Variants in TGFBR2 observed in about 807,000 individuals in gnomAD.
TGFBR2 encodes the protein TGF-beta receptor type-2.
Under a neutral mutation model 49.0 loss-of-function variants are expected in TGFBR2, and 18 were observed. The observed-to-expected ratio is 0.37, with a 90% CI of 0.25 to 0.54. The LOEUF (loss-of-function observed/expected upper bound fraction) is 0.54. Among genes scored for constraint, TGFBR2 ranks in the 20% least tolerant of loss-of-function variants. TGFBR2 has a pLI of 0.85. For missense variants in TGFBR2, 525 were observed against 722.6 expected, an observed-to-expected ratio of 0.73 and a Z score of 3.13; for synonymous variants, 282 against 275.9, an observed-to-expected ratio of 1.02 and a Z score of -0.22.
Position 30,693,754 on chromosome 3 carries a change from A to G in TGFBR2, c.*2155A>G, listed in dbSNP as rs920282415. 3.4e-5 allele frequency: 8 copies of G among 233,504 alleles called. No individual in the cohort carries two copies. Among genetic ancestry groups the G allele is most frequent in the East Asian group, 6.0e-5 (1 of 16,698 alleles). The allele number at this position is 233,504 out of a possible 1,614,324, so 14.5% of individuals were successfully genotyped here. On this transcript the variant is annotated 3_prime_UTR_variant, in exon 7 of 7. Coordinates refer to ENST00000295754, the MANE Select transcript of TGFBR2 (RefSeq NM_003242.6). ...ATACTGGTCCATTCATGAGATATTCAAGATTCAAGAGTATTCTCACTTCTG... is the reference window on the plus strand; with the variant it reads ...ATACTGGTCCATTCATGAGATATTCGAGATTCAAGAGTATTCTCACTTCTG...
chr3:30,610,200 C>A (rs1455842411), intron 1 of TGFBR2, among the ~76,000 whole-genome samples: 1 of 152,090 alleles, frequency 6.6e-6, no homozygotes, highest in Non-Finnish European at 1.5e-5. Context: ...TGGTCTTTGC[C>A]ATTGAATTTA....
At chr3:30,616,231 C>T (rs1698130176) in intron 1 of TGFBR2, among the ~76,000 whole-genome samples, 1 of 152,078 alleles carries the variant, frequency 6.6e-6, no homozygotes, top group Non-Finnish European at 1.5e-5. Flanking sequence ...TTAAAAAATG[C>T]CTCTTCCTCC....
At chr3:30,634,547 T>C (rs933393733) in intron 1 of TGFBR2, among the ~76,000 whole-genome samples, 2 of 152,178 alleles carry the variant, frequency 1.3e-5, no homozygotes, top group African/African-American at 4.8e-5. Flanking sequence ...CACATTTTCG[T>C]TTAGGTTGAC....
intron 1 of TGFBR2, among the ~76,000 whole-genome samples, chr3:30,608,089 C>A (rs1378287200): frequency 1.3e-5 from 2 of 151,700 alleles, no homozygotes; most frequent in Admixed American, 1.3e-4. Flanking sequence ...CAGGCGCGTG[C>A]CACCACGCCC....
chr3:30,632,841 A>G lies in TGFBR2; in HGVS notation c.95-11906A>G, dbSNP rs17025813. On this transcript the variant is annotated intron_variant, in intron 1 of 6. Coordinates refer to ENST00000295754, the MANE Select transcript of TGFBR2 (RefSeq NM_003242.6). ...CAAGAAGTTAAGTGGCCCACAGCTA[A>G]TACATGTAAGAGCCTGAATTCACAC... Among the ~76,000 whole-genome samples the G allele has an allele frequency of 1.8e-3, 277 of 152,348 alleles. 1 individual carries two copies. Among genetic ancestry groups the G allele is most frequent in the African/African-American group, 6.0e-3 (249 of 41,578 alleles).
At chr3:30,655,566 A>G (rs945379982) in intron 3 of TGFBR2, among the ~76,000 whole-genome samples, 2 of 152,192 alleles carry the variant, frequency 1.3e-5, no homozygotes, top group African/African-American at 4.8e-5. Context: ...AACTGAAACA[A>G]CCCACAAGTG....
At chr3:30,620,381 T>A (rs1271354103) in intron 1 of TGFBR2, among the ~76,000 whole-genome samples, 1 of 149,358 alleles carries the variant, frequency 6.7e-6, no homozygotes, top group East Asian at 1.9e-4. Context: ...GGGAGTGCTA[T>A]TTTTTTTTCT....
chr3:30,669,590 T>A (rs1376253105), intron 3 of TGFBR2, among the ~76,000 whole-genome samples: 1 of 152,176 alleles, frequency 6.6e-6, no homozygotes, highest in Admixed American at 6.5e-5. Context: ...GGAAGACTGG[T>A]CACCCCACCC....
At position 30,671,955 on chromosome 3, in the gene TGFBR2, G is replaced by C. The variant is rs184297150; in HGVS notation, c.772G>C (p.Val258Leu). The stretch of plus-strand genomic sequence containing the variant: ...GGTGGGGAAAGGTCGCTTTGCTGAG[G>C]TCTATAAGGCCAAGCTGAAGCAGAA... ...TLVGKGRFAE[V>L]YKAKLKQNTS... Residue 258 changes from valine (V) to leucine (L), a missense_variant, in exon 4 of 7, where the codon GTC (valine) becomes CTC (leucine). Transcript: ENST00000295754. 6.2e-7 allele frequency: 1 copy of C among 1,614,156 alleles called. No individual in the cohort carries two copies. Among genetic ancestry groups the C allele is most frequent in the East Asian group, 2.2e-5 (1 of 44,886 alleles).
chr3:30,655,163 T>C (rs1382498043), intron 3 of TGFBR2, among the ~76,000 whole-genome samples: 1 of 152,190 alleles, frequency 6.6e-6, no homozygotes, highest in Non-Finnish European at 1.5e-5. Context: ...TTGCCTGACA[T>C]GTCACTGTCT....
At chr3:30,623,751 G>A (rs1458931058) in intron 1 of TGFBR2, among the ~76,000 whole-genome samples, 1 of 152,132 alleles carries the variant, frequency 6.6e-6, no homozygotes, top group Non-Finnish European at 1.5e-5. Flanking sequence ...TCTTTACATA[G>A]GAAGTGCACT....
intron 5 of TGFBR2, among the ~76,000 whole-genome samples, chr3:30,679,185 A>G (rs1353589439): frequency 2.6e-5 from 4 of 152,178 alleles, no homozygotes; most frequent in Admixed American, 2.6e-4. Context: ...CAGTTGTGAT[A>G]AATGCTTAGG....
At chr3:30,623,438 A>G (rs1698273171) in intron 1 of TGFBR2, among the ~76,000 whole-genome samples, 2 of 152,238 alleles carry the variant, frequency 1.3e-5, no homozygotes, top group Non-Finnish European at 1.5e-5. Flanking sequence ...ACTCATCAGG[A>G]GACTTGTTCT....
At chr3:30,632,214 C>T (rs1482416749) in intron 1 of TGFBR2, among the ~76,000 whole-genome samples, 1 of 152,144 alleles carries the variant, frequency 6.6e-6, no homozygotes, top group Non-Finnish European at 1.5e-5. Flanking sequence ...CATTGCCTTC[C>T]CATCTCTGCA....
At chr3:30,626,774 C>G (rs901896270) in intron 1 of TGFBR2, 1 of 152,348 alleles carries the variant, frequency 6.6e-6, no homozygotes, top group Non-Finnish European at 1.5e-5. Context: ...TGAACTCCTT[C>G]CAGGGGCTGA....
At chr3:30,669,078 C>T (rs941543055) in intron 3 of TGFBR2, among the ~76,000 whole-genome samples, 4 of 130,560 alleles carry the variant, frequency 3.1e-5, no homozygotes, top group Admixed American at 9.4e-5. Context: ...GAGTTCAAGA[C>T]CAGCCTGGCC....
chr3:30,626,496 A>G (rs993264159), intron 1 of TGFBR2: 6 of 152,256 alleles, frequency 3.9e-5, no homozygotes, highest in East Asian at 1.9e-4. Flanking sequence ...GGCAGGCACT[A>G]TTGTTCACTT....
chr3:30,657,701 C>G (rs1264122418), intron 3 of TGFBR2, among the ~76,000 whole-genome samples: 1 of 152,092 alleles, frequency 6.6e-6, no homozygotes, highest in East Asian at 1.9e-4. Context: ...TTATCTTTGC[C>G]TTTAGCTGGA....
chr3:30,674,324 C>G (rs2125439636), intron 5 of TGFBR2, 78 bp downstream of exon 5: 2 of 1,565,160 alleles, frequency 1.3e-6, no homozygotes, highest in Middle Eastern at 4.2e-4. Flanking sequence ...GAGCATTATT[C>G]CAGGGGTTAC....
Sources: allele counts gnomAD v4.1 joint callset (sites outside exome capture counted in the v4.1 genomes callset), GRCh38; gene constraint gnomAD v4.1.1; transcripts MANE v1.5; gene names NCBI Gene and HGNC (gene_info 2026-07-23, HGNC 2026-07-21).